Variants in PALM2AKAP2 observed in about 807,000 individuals in gnomAD.
PALM2AKAP2 encodes the protein PALM2-AKAP2 fusion protein.
In PALM2AKAP2, 37 loss-of-function variants were observed where a neutral mutation model predicts 71.5. The observed-to-expected ratio is 0.52, with a 90% CI of 0.40 to 0.68. The LOEUF (loss-of-function observed/expected upper bound fraction) is 0.68, where lower values mean the gene tolerates loss of function less well. Among genes scored for constraint, PALM2AKAP2 ranks in the 30% least tolerant of loss-of-function variants. PALM2AKAP2 has a pLI of 0.00. For missense variants in PALM2AKAP2, 1,224 were observed against 1,191.8 expected, an observed-to-expected ratio of 1.03 and a Z score of -0.40; for synonymous variants, 468 against 478.8, an observed-to-expected ratio of 0.98 and a Z score of 0.29.
intron 1 of PALM2AKAP2, among the ~76,000 whole-genome samples, chr9:109,722,224 T>A (rs935061864): frequency 6.6e-6 from 1 of 152,222 alleles, no homozygotes; most frequent in Non-Finnish European, 1.5e-5. Context: ...ATACTGATGA[T>A]AATGACCTCT....
At chr9:109,777,342 A>G (rs1327875234), upstream of PALM2AKAP2, among the ~76,000 whole-genome samples, 2 of 152,114 alleles carry the variant, frequency 1.3e-5, no homozygotes, top group Admixed American at 1.3e-4. Context: ...AGAGACTTTG[A>G]CTAATATTCA....
chr9:109,689,200 C>CTTTTTT (rs200092612), intron 1 of PALM2AKAP2, among the ~76,000 whole-genome samples: 2 of 134,150 alleles, frequency 1.5e-5, no homozygotes, highest in Non-Finnish European at 3.2e-5. Flanking sequence ...TTTTTCTTTT[C>CTTTTTT]TTTTTTTTTT....
chr9:110,071,601 C>T (rs992553998), intron 1 of PALM2AKAP2, among the ~76,000 whole-genome samples: 16 of 152,176 alleles, frequency 1.1e-4, no homozygotes, highest in Non-Finnish European at 2.4e-4. Context: ...CTCCTTCTTT[C>T]AGTTCTCTTT....
At chr9:109,793,570 A>G (rs1827173157) in intron 1 of PALM2AKAP2, among the ~76,000 whole-genome samples, 1 of 152,180 alleles carries the variant, frequency 6.6e-6, no homozygotes. Flanking sequence ...CCATTTTACT[A>G]GTGTGATTTC....
chr9:110,099,817 A>G (rs1009092210), intron 1 of PALM2AKAP2, among the ~76,000 whole-genome samples: 20 of 151,838 alleles, frequency 1.3e-4, no homozygotes, highest in Non-Finnish European at 1.8e-4. Context: ...AGGGCTTTCA[A>G]TTGATTTGTA....
At chr9:109,720,021 C>T (rs566538013) in intron 1 of PALM2AKAP2, among the ~76,000 whole-genome samples, 13 of 151,622 alleles carry the variant, frequency 8.6e-5, no homozygotes, top group Non-Finnish European at 1.6e-4. Context: ...TGGAGTCTCA[C>T]TCTGTCACCC....
chr9:109,939,278 C>T (rs2132030218), intron 6 of PALM2AKAP2, among the ~76,000 whole-genome samples: 1 of 152,300 alleles, frequency 6.6e-6, no homozygotes, highest in Non-Finnish European at 1.5e-5. Flanking sequence ...TTTTCATCAT[C>T]ATCTCTCCTT....
intron 1 of PALM2AKAP2, among the ~76,000 whole-genome samples, chr9:109,664,971 G>A (rs1827458456): frequency 6.6e-6 from 1 of 152,076 alleles, no homozygotes. Context: ...CCACTTGATT[G>A]AATCGGCTAT....
chr9:109,749,552 G>A (rs199547998), intron 1 of PALM2AKAP2, among the ~76,000 whole-genome samples: 89 of 144,112 alleles, frequency 6.2e-4, no homozygotes, highest in African/African-American at 5.9e-4. Context: ...TCATAGGTTA[G>A]AAAAAAAAAA....
intron 1 of PALM2AKAP2, among the ~76,000 whole-genome samples, chr9:109,686,211 C>T (rs1290866262): frequency 6.6e-6 from 1 of 152,180 alleles, no homozygotes; most frequent in East Asian, 1.9e-4. Context: ...CTTCCAAACT[C>T]CCATTAACGT....
chr9:109,890,916 A>G (rs1830074632), intron 3 of PALM2AKAP2, among the ~76,000 whole-genome samples: 1 of 152,210 alleles, frequency 6.6e-6, no homozygotes, highest in Non-Finnish European at 1.5e-5. Flanking sequence ...AAACCACTCC[A>G]GGGATCCTAG....
chr9:109,692,852 A>G (rs73529140), intron 1 of PALM2AKAP2, among the ~76,000 whole-genome samples: 29,965 of 151,890 alleles, frequency 0.2, 3,192 homozygotes, highest in Middle Eastern at 0.33. Context: ...AAAATTTAAA[A>G]GTTTTGCATC....
intron 1 of PALM2AKAP2, among the ~76,000 whole-genome samples, chr9:109,791,339 C>G (rs1471996137): frequency 1.3e-5 from 2 of 152,244 alleles, no homozygotes; most frequent in East Asian, 1.9e-4. Context: ...TTCTCTCTTT[C>G]CACCGTCATC....
chr9:110,008,311 C>T (rs980469792), intron 6 of PALM2AKAP2, among the ~76,000 whole-genome samples: 10 of 152,058 alleles, frequency 6.6e-5, no homozygotes, highest in East Asian at 1.9e-4. Flanking sequence ...ACAACTAAAC[C>T]GTGCAACTGG....
chr9:110,160,720 T>A (rs182676631), intron 3 of PALM2AKAP2, among the ~76,000 whole-genome samples: 62 of 152,302 alleles, frequency 4.1e-4, no homozygotes, highest in Non-Finnish European at 7.9e-4. Flanking sequence ...GAGGGTTTGC[T>A]TTGCCTTTCT....
intron 1 of PALM2AKAP2, among the ~76,000 whole-genome samples, chr9:109,740,610 G>A (rs577788127): frequency 2.6e-5 from 4 of 152,288 alleles, no homozygotes; most frequent in African/African-American, 7.2e-5. Context: ...GTCTGGGGAG[G>A]TTGCAGGGAC....
At chr9:109,747,169 C>A (rs1828815474) in intron 1 of PALM2AKAP2, among the ~76,000 whole-genome samples, 1 of 152,096 alleles carries the variant, frequency 6.6e-6, no homozygotes, top group African/African-American at 2.4e-5. Flanking sequence ...AATAGCCTAG[C>A]TTTGTTTTTA....
rs180849555 is a variant in PALM2AKAP2, at chr9:110,011,094, T to C, written c.497-4860T>C. Among the ~76,000 whole-genome samples the C allele has an allele frequency of 3.8e-3, 559 of 145,514 alleles. 3 individuals carry two copies. The highest frequency in any genetic ancestry group is 5.8e-3 in the Non-Finnish European group (387 of 66,440). On this transcript the variant is annotated intron_variant, in intron 6 of 9. Coordinates refer to the PALM2AKAP2 transcript ENST00000302798. The stretch of plus-strand genomic sequence containing the variant: ...ATAGAATATATAAATTATATATTTC[T>C]CTATATATTCCATATATATTCTCTG...
At chr9:109,991,089 G>C (rs539671976) in intron 6 of PALM2AKAP2, among the ~76,000 whole-genome samples, 4 of 152,258 alleles carry the variant, frequency 2.6e-5, no homozygotes, top group Admixed American at 6.5e-5. Context: ...TGAGACTGGT[G>C]CAGAGAGCAA....
Sources: allele counts gnomAD v4.1 joint callset (sites outside exome capture counted in the v4.1 genomes callset), GRCh38; gene constraint gnomAD v4.1.1; transcripts MANE v1.5; gene names NCBI Gene and HGNC (gene_info 2026-07-23, HGNC 2026-07-21).